RYR3: variants seen among roughly 807,000 people sequenced by gnomAD.
RYR3 encodes the protein brain ryanodine receptor-calcium release channel.
Under a neutral mutation model 584.3 loss-of-function variants are expected in RYR3, and 207 were observed. The observed-to-expected ratio is 0.35, with a 90% confidence interval of 0.32 to 0.40. RYR3 has a LOEUF of 0.40. Among genes scored for constraint, RYR3 ranks in the 10% least tolerant of loss-of-function variants. The pLI, the probability that RYR3 is intolerant of heterozygous loss-of-function variation, is 1.00. For missense variants in RYR3, 5,616 were observed against 6,089.2 expected, an observed-to-expected ratio of 0.92 and a Z score of 2.59; for synonymous variants, 2,416 against 2,248.5, an observed-to-expected ratio of 1.07 and a Z score of -2.11.
intron 2 of RYR3, among the ~76,000 whole-genome samples, chr15:33,480,465 C>T (rs1400709254): frequency 6.6e-6 from 1 of 152,136 alleles, no homozygotes; most frequent in African/African-American, 2.4e-5. Flanking sequence ...CATATTAGGT[C>T]CTCAGAAAAT....
chr15:33,631,135 T>G, intron 22 of RYR3, 75 bp from the exon 23 acceptor site: 1 of 910,180 alleles, frequency 1.1e-6, no homozygotes, highest in Non-Finnish European at 1.7e-6. Context: ...TGTTTTCAAC[T>G]CGGATGTGAA....
intron 1 of RYR3, among the ~76,000 whole-genome samples, chr15:33,450,589 A>AT (rs1246523798): frequency 6.6e-6 from 1 of 150,778 alleles, no homozygotes; most frequent in Non-Finnish European, 1.5e-5. Flanking sequence ...CTGTTCTTGA[A>AT]TTTTTTGAGG....
intron 51 of RYR3, among the ~76,000 whole-genome samples, chr15:33,742,102 G>A (rs72713302): frequency 0.2 from 30,015 of 152,098 alleles, 3,095 homozygotes; most frequent in African/African-American, 0.27. Flanking sequence ...AAGAGACCCT[G>A]GAGCACATGG....
intron 2 of RYR3, among the ~76,000 whole-genome samples, chr15:33,476,844 G>A (rs188280121): frequency 8.5e-5 from 13 of 152,214 alleles, no homozygotes; most frequent in Admixed American, 5.2e-4. Context: ...TCAAATTCAC[G>A]GTAAGGATAG....
intron 1 of RYR3, among the ~76,000 whole-genome samples, chr15:33,387,242 T>C (rs948226195): frequency 1.3e-5 from 2 of 152,206 alleles, no homozygotes; most frequent in East Asian, 3.8e-4. Flanking sequence ...TGATGGACAA[T>C]TGGGTTGCTT....
At chr15:33,502,067 A>T (rs1364194173) in intron 2 of RYR3, among the ~76,000 whole-genome samples, 1 of 152,230 alleles carries the variant, frequency 6.6e-6, no homozygotes, top group Non-Finnish European at 1.5e-5. Context: ...ATTTAAGTAG[A>T]AAAGTACTCC....
At chr15:33,632,704 T>G (rs778367400) in intron 23 of RYR3, among the ~76,000 whole-genome samples, 9 of 152,236 alleles carry the variant, frequency 5.9e-5, no homozygotes, top group Admixed American at 6.5e-5. Flanking sequence ...ATGGTTTGTA[T>G]TGACCATCTG....
Position 33,666,452 on chromosome 15 carries a change from T to G in RYR3, c.5619+2715T>G, listed in dbSNP as rs2063499144. Among the ~76,000 whole-genome samples the G allele has an allele frequency of 2.6e-5, 4 of 152,218 alleles. No homozygotes were observed. The South Asian group carries it at 8.3e-4, about 32-fold the overall frequency. On this transcript the variant is annotated intron_variant, in intron 36 of 103. Transcript: ENST00000634891. ...CCGCTATGAGATTCAGCTGTCCCCC[T>G]GCCATCCCTCTCAGAGTATTCACTT...
intron 16 of RYR3, among the ~76,000 whole-genome samples, chr15:33,600,560 G>GT (rs2059608506): frequency 6.6e-6 from 1 of 152,022 alleles, no homozygotes; most frequent in East Asian, 1.9e-4. Flanking sequence ...GACAGAGACT[G>GT]TTTTGCAGCT....
chr15:33,359,138 C>T (rs1974388460), intron 1 of RYR3, among the ~76,000 whole-genome samples: 1 of 152,184 alleles, frequency 6.6e-6, no homozygotes, highest in South Asian at 2.1e-4. Context: ...AGTCTCATAA[C>T]TATTGCTTCC....
intron 82 of RYR3, 107 bp downstream of exon 82, chr15:33,825,783 A>T: frequency 1.5e-6 from 1 of 681,818 alleles, no homozygotes; most frequent in Admixed American, 3.3e-5. Flanking sequence ...CTCAGGCTGG[A>T]CTGCAGTGGC....
chr15:33,794,348 A>AAT (rs1555460415), intron 67 of RYR3, among the ~76,000 whole-genome samples: 231 of 58,300 alleles, frequency 4.0e-3, no homozygotes, highest in Middle Eastern at 0.014. Context: ...TATATATAAA[A>AAT]ATATATATAT....
intron 3 of RYR3, among the ~76,000 whole-genome samples, chr15:33,526,831 C>T (rs2054432014): frequency 6.6e-6 from 1 of 152,060 alleles, no homozygotes; most frequent in Non-Finnish European, 1.5e-5. Context: ...AAAAATAATA[C>T]CACAGAAGAT....
intron 1 of RYR3, among the ~76,000 whole-genome samples, chr15:33,384,654 C>G (rs1340147162): frequency 7.5e-6 from 1 of 133,914 alleles, no homozygotes; most frequent in Non-Finnish European, 1.6e-5. Flanking sequence ...TTTAATTAAC[C>G]TATCCCTTAC....
chr15:33,807,517 T>G, intron 69 of RYR3, 38 bp from the exon 70 acceptor site: 1 of 1,550,758 alleles, frequency 6.4e-7, no homozygotes, highest in Non-Finnish European at 8.7e-7. Flanking sequence ...ACTGACTGAC[T>G]CTTCTCCTTG....
At position 33,706,980 on chromosome 15, in the gene RYR3, AC is replaced by A; in HGVS notation, c.6548del (p.Pro2183LeufsTer17). 6.2e-7 allele frequency: 1 copy of A among 1,613,616 alleles called. No individual in the cohort carries two copies. Among genetic ancestry groups the A allele is most frequent in the Non-Finnish European group, 8.5e-7 (1 of 1,179,854 alleles). On this transcript the variant is annotated frameshift_variant, in exon 43 of 104. Coordinates refer to ENST00000634891, the MANE Select transcript of RYR3 (RefSeq NM_001036.6). LOFTEE classifies it high-confidence loss of function. The part of the protein sequence containing the change: ...QSCPMLLAKG[Y>X]PDVGWNPIEG... Reference sequence around the variant, plus strand: ...TGCCCCATGCTTCTGGCCAAAGGATACCCTGATGTCGGCTGGAACCCCATTG... The same window carrying A: ...TGCCCCATGCTTCTGGCCAAAGGATACCTGATGTCGGCTGGAACCCCATTG...
chr15:33,610,101 T>A (rs1188730056), intron 18 of RYR3, among the ~76,000 whole-genome samples: 3 of 152,204 alleles, frequency 2.0e-5, no homozygotes, highest in Admixed American at 2.0e-4. Context: ...GCAGCACTCT[T>A]GCTGTGCAGG....
At chr15:33,679,471 T>C (rs528091572) in intron 38 of RYR3, among the ~76,000 whole-genome samples, 3 of 152,354 alleles carry the variant, frequency 2.0e-5, no homozygotes, top group Non-Finnish European at 2.9e-5. Context: ...GGTAAAATTC[T>C]TGATGCTCAT....
chr15:33,432,457 C>T (rs941040012), intron 1 of RYR3, among the ~76,000 whole-genome samples: 2 of 151,794 alleles, frequency 1.3e-5, no homozygotes, highest in African/African-American at 4.8e-5. Flanking sequence ...GATGCTTACT[C>T]CTGAGTTTTG....
Sources: allele counts gnomAD v4.1 joint callset (sites outside exome capture counted in the v4.1 genomes callset), GRCh38; gene constraint gnomAD v4.1.1; transcripts MANE v1.5; gene names NCBI Gene and HGNC (gene_info 2026-07-23, HGNC 2026-07-21).